Variants in SEPTIN9 observed in about 807,000 individuals in gnomAD.
SEPTIN9 encodes the protein septin 9, also known as septin-9.
Under a neutral mutation model 56.6 loss-of-function variants are expected in SEPTIN9, and 13 were observed. The observed-to-expected ratio is 0.23, with a 90% CI of 0.15 to 0.37. The LOEUF (loss-of-function observed/expected upper bound fraction) is 0.37, where lower values mean the gene tolerates loss of function less well. Among genes scored for constraint, SEPTIN9 ranks in the 10% least tolerant of loss-of-function variants. SEPTIN9 has a pLI of 1.00. For synonymous variants in SEPTIN9, 332 were observed against 334.1 expected, an observed-to-expected ratio of 0.99 and a Z score of 0.07; for missense variants, 650 against 823.1, an observed-to-expected ratio of 0.79 and a Z score of 2.57.
intron 3 of SEPTIN9, among the ~76,000 whole-genome samples, chr17:77,462,565 T>G (rs2038526030): frequency 6.6e-6 from 1 of 152,240 alleles, no homozygotes. Flanking sequence ...GTTACAGGTG[T>G]GAGCCACTGT....
chr17:77,281,828 A>G, intron 1 of SEPTIN9: 1 of 460,404 alleles, frequency 2.2e-6, no homozygotes, highest in South Asian at 3.4e-5. Flanking sequence ...GCACCCTCGC[A>G]GGAATCGCTG....
At position 77,389,507 on chromosome 17, in the gene SEPTIN9, G is replaced by C. The variant is rs1183584279; in HGVS notation, c.77-12552G>C. ...TTTGAGGCCCTCAGAGCTGCAGCCT[G>C]TGGTTTTTCGAAGTCAATCACCTCC... On this transcript the variant is annotated intron_variant, in intron 2 of 11. Coordinates refer to ENST00000427177, the MANE Select transcript of SEPTIN9 (RefSeq NM_001113491.2). The surrounding 1 kb of genome is among the most constrained non-coding windows in gnomAD (Gnocchi z 4.3). Among the ~76,000 whole-genome samples the C allele has an allele frequency of 4.6e-5, 7 of 152,150 alleles. No individual in the cohort carries two copies. Among genetic ancestry groups the C allele is most frequent in the Non-Finnish European group, 2.9e-5 (2 of 68,012 alleles).
At chr17:77,496,399 C>T (rs1048293233) in intron 10 of SEPTIN9, 4 of 152,162 alleles carry the variant, frequency 2.6e-5, no homozygotes, top group Admixed American at 6.5e-5. Context: ...TGTGTGAAGA[C>T]GAAGTTCATC....
chr17:77,386,337 A>G (rs571030628), intron 2 of SEPTIN9, among the ~76,000 whole-genome samples: 6 of 152,160 alleles, frequency 3.9e-5, no homozygotes, highest in Non-Finnish European at 5.9e-5. Flanking sequence ...TTCCTGCCCA[A>G]TGTCCCCTGT....
chr17:77,492,759 T>C lies in SEPTIN9; in HGVS notation c.1476+43T>C. On this transcript the variant is annotated intron_variant, in intron 9 of 11. Transcript: ENST00000427177. This position sits in a 1 kb window ranked among gnomAD's most constrained non-coding sequence, Gnocchi z 5.4. ...GATGTTGTTCCCAGGGGACCCCCAGTTCCTGCTGAAGGGTGGGTTGGGGGT... is the reference window on the plus strand; with the variant it reads ...GATGTTGTTCCCAGGGGACCCCCAGCTCCTGCTGAAGGGTGGGTTGGGGGT... The C allele has an allele frequency of 6.4e-7, 1 of 1,561,352 alleles. No individual in the cohort carries two copies. Among genetic ancestry groups the C allele is most frequent in the Non-Finnish European group, 8.8e-7 (1 of 1,132,200 alleles).
Position 77,497,292 on chromosome 17 carries a change from G to A in SEPTIN9, c.1574-23G>A, listed in dbSNP as rs201466488. 3 of 1,611,392 alleles carry A rather than the reference G, an allele frequency of 1.9e-6. No individual in the cohort carries two copies. The East Asian group carries it at 6.7e-5, about 36-fold the overall frequency. Reference sequence around the variant, plus strand: ...AGAGTTTCTCCACTGGGACATTAAAGCCCCTCCTGTCTCCTCTCCTAGTTG... The same window carrying A: ...AGAGTTTCTCCACTGGGACATTAAAACCCCTCCTGTCTCCTCTCCTAGTTG... On this transcript the variant is annotated intron_variant, in intron 10 of 11. Coordinates refer to ENST00000427177, the MANE Select transcript of SEPTIN9 (RefSeq NM_001113491.2).
chr17:77,459,062 G>T (rs745813209), intron 3 of SEPTIN9, among the ~76,000 whole-genome samples: 1 of 152,178 alleles, frequency 6.6e-6, no homozygotes, highest in Non-Finnish European at 1.5e-5. Context: ...CGGGGCCACG[G>T]TCGGCCCCAC....
intron 2 of SEPTIN9, among the ~76,000 whole-genome samples, chr17:77,362,492 G>A (rs983801720): frequency 1.3e-5 from 2 of 152,212 alleles, no homozygotes; most frequent in Non-Finnish European, 2.9e-5. Context: ...TCCTTGTCTA[G>A]GTTCCTTGCA....
Position 77,327,947 on chromosome 17 carries a change from A to G in SEPTIN9, c.76+20750A>G, listed in dbSNP as rs549005835. Among the ~76,000 whole-genome samples the G allele has an allele frequency of 3.3e-5, 5 of 151,176 alleles. No individual in the cohort carries two copies. In the East Asian group the frequency reaches 7.8e-4, roughly 24 times the overall value. On this transcript the variant is annotated intron_variant, in intron 2 of 11. Transcript: ENST00000427177. The surrounding 1 kb of genome is among the most constrained non-coding windows in gnomAD (Gnocchi z 5.0). The stretch of plus-strand genomic sequence containing the variant: ...GTGCCTAGGGCATCCCGATGCTCAG[A>G]GTTTCCCCGTGCCCAGTGTGTCCCT...
chr17:77,463,540 TA>T (rs199897311), intron 3 of SEPTIN9, among the ~76,000 whole-genome samples: 5 of 151,502 alleles, frequency 3.3e-5, no homozygotes, highest in African/African-American at 7.3e-5. Flanking sequence ...GTATTTCCTT[TA>T]AAAAAAAATG....
chr17:77,382,887 CTGGTTG>C (rs1218954158), intron 2 of SEPTIN9, among the ~76,000 whole-genome samples: 40 of 152,162 alleles, frequency 2.6e-4, no homozygotes, highest in African/African-American at 9.4e-4. Context: ...GCTGCCCTGC[CTGGTTG>C]CTGCTCTCAG....
intron 1 of SEPTIN9, among the ~76,000 whole-genome samples, 197 bp from the exon 2 acceptor site, chr17:77,306,944 A>T (rs2032290972): frequency 6.6e-6 from 1 of 152,228 alleles, no homozygotes; most frequent in Non-Finnish European, 1.5e-5. Flanking sequence ...TCCAGCAGCC[A>T]GACAGCAGTG....
intron 3 of SEPTIN9, among the ~76,000 whole-genome samples, chr17:77,464,880 A>C (rs1022927763): frequency 2.6e-5 from 4 of 152,146 alleles, no homozygotes; most frequent in Non-Finnish European, 5.9e-5. Context: ...GGCATGAGCC[A>C]CTGCGCCCGG....
intron 3 of SEPTIN9, among the ~76,000 whole-genome samples, chr17:77,464,738 CT>C (rs2038636034): frequency 6.6e-6 from 1 of 151,788 alleles, no homozygotes; most frequent in Admixed American, 6.6e-5. Flanking sequence ...GTAGCTGGGA[CT>C]ACAGGTGCCC....
At chr17:77,368,443 C>T (rs1276508940) in intron 2 of SEPTIN9, among the ~76,000 whole-genome samples, 2 of 152,034 alleles carry the variant, frequency 1.3e-5, no homozygotes, top group African/African-American at 2.4e-5. Context: ...TCCCAGAGAG[C>T]TGGGATTATA....
intron 1 of SEPTIN9, among the ~76,000 whole-genome samples, chr17:77,299,851 CCGTCAAGAGAGGGGCTGGT>C: frequency 6.6e-6 from 1 of 152,214 alleles, no homozygotes; most frequent in Non-Finnish European, 1.5e-5. Context: ...TGGCAGCTTG[CCGTCAAGAGAGGGGCTGGT>C]CACCAAGAGA....
At chr17:77,289,727 A>T (rs1006210169) in intron 1 of SEPTIN9, among the ~76,000 whole-genome samples, 9 of 151,816 alleles carry the variant, frequency 5.9e-5, no homozygotes, top group African/African-American at 1.9e-4. Context: ...TATTATTATT[A>T]TTTAATTTTT....
chr17:77,387,303 A>C (rs1425442760), intron 2 of SEPTIN9, among the ~76,000 whole-genome samples: 2 of 152,224 alleles, frequency 1.3e-5, no homozygotes, highest in East Asian at 3.8e-4. Flanking sequence ...CTCCGTCTTC[A>C]CATGGCCTTT....
chr17:77,480,461 T>A (rs912214763), intron 3 of SEPTIN9, among the ~76,000 whole-genome samples: 7 of 152,240 alleles, frequency 4.6e-5, no homozygotes, highest in African/African-American at 1.4e-4. Context: ...TGAGTTCGGT[T>A]CTTGCCCCGC....
Sources: gnomAD v4.1 joint callset for allele counts (sites outside exome capture counted in the v4.1 genomes callset) on GRCh38, gnomAD v4.1.1 for gene constraint, Gnocchi (gnomAD v3.1) non-coding constraint, MANE v1.5 for transcripts, NCBI Gene and HGNC (gene_info 2026-07-23, HGNC 2026-07-21) for gene names.